PDE4D: variants seen among roughly 807,000 people sequenced by gnomAD.
PDE4D encodes the protein phosphodiesterase 4D, also known as 3',5'-cyclic-AMP phosphodiesterase 4D.
In PDE4D, 24 loss-of-function variants were observed where a neutral mutation model predicts 87.4. That is an observed-to-expected ratio of 0.27 (90% CI 0.20 to 0.39). PDE4D has a LOEUF of 0.39. Among genes scored for constraint, PDE4D ranks in the 10% least tolerant of loss-of-function variants. PDE4D has a pLI of 1.00. For missense variants in PDE4D, 714 were observed against 1,041.0 expected, an observed-to-expected ratio of 0.69 and a Z score of 4.32; for synonymous variants, 384 against 383.2, an observed-to-expected ratio of 1.00 and a Z score of -0.02.
chr5:60,416,077 T>C (rs1742512641), intron 1 of PDE4D, among the ~76,000 whole-genome samples: 2 of 152,198 alleles, frequency 1.3e-5, no homozygotes, highest in African/African-American at 4.8e-5. Context: ...ACTCTGTGTC[T>C]AGCTCAGGGT....
At chr5:60,390,373 T>C (rs1364408894) in intron 1 of PDE4D, among the ~76,000 whole-genome samples, 3 of 152,194 alleles carry the variant, frequency 2.0e-5, no homozygotes, top group East Asian at 1.9e-4. Flanking sequence ...TGACCTCTGG[T>C]TGAGTTTAGC....
chr5:59,921,006 A>C (rs1754608076), intron 3 of PDE4D, among the ~76,000 whole-genome samples: 1 of 152,176 alleles, frequency 6.6e-6, no homozygotes, highest in South Asian at 2.1e-4. Context: ...CTAGAACTTA[A>C]AGTATATTAA....
intron 1 of PDE4D, among the ~76,000 whole-genome samples, chr5:59,784,636 T>C (rs1417519822): frequency 6.6e-6 from 1 of 152,164 alleles, no homozygotes; most frequent in Non-Finnish European, 1.5e-5. Flanking sequence ...AAATGTACAA[T>C]CAGTCATTAA....
At chr5:59,528,746 G>C (rs1166680802) in intron 1 of PDE4D, 1 of 186,636 alleles carries the variant, frequency 5.4e-6, no homozygotes, top group African/African-American at 2.4e-5. Context: ...AGATGTGATG[G>C]TATAATGGTA....
chr5:60,149,436 C>T (rs1781297503), intron 2 of PDE4D, among the ~76,000 whole-genome samples: 1 of 152,136 alleles, frequency 6.6e-6, no homozygotes, highest in Admixed American at 6.6e-5. Flanking sequence ...ACCTAATTAC[C>T]TCTTAAAAGT....
chr5:60,265,972 C>T (rs1304072977), intron 1 of PDE4D, among the ~76,000 whole-genome samples: 1 of 152,060 alleles, frequency 6.6e-6, no homozygotes, highest in Admixed American at 6.6e-5. Context: ...CTGCAAAGAG[C>T]GTTGGTCCCT....
At chr5:58,996,166 G>A (rs1000361476) in intron 6 of PDE4D, among the ~76,000 whole-genome samples, 1 of 152,086 alleles carries the variant, frequency 6.6e-6, no homozygotes, top group African/African-American at 2.4e-5. Flanking sequence ...GACAGCATTA[G>A]GCAAAATACC....
At chr5:59,542,537 A>G (rs551948708) in intron 1 of PDE4D, among the ~76,000 whole-genome samples, 1 of 152,296 alleles carries the variant, frequency 6.6e-6, no homozygotes, top group African/African-American at 2.4e-5. Flanking sequence ...AAGTTCCACA[A>G]TTGTTAACAT....
Position 59,761,277 on chromosome 5 carries a change from G to T in PDE4D, c.455+131891C>A, listed in dbSNP as rs1202862629. 1.7e-4 allele frequency among the ~76,000 whole-genome samples: 25 copies of T among 150,952 alleles called. 1 individual carries two copies. Among genetic ancestry groups the T allele is most frequent in the Admixed American group, 1.6e-3 (25 of 15,248 alleles). On this transcript the variant is annotated intron_variant, in intron 1 of 14. Coordinates refer to ENST00000340635, the MANE Select transcript of PDE4D (RefSeq NM_001104631.2). ...GCTCTGGGTGACTCAGTGAGTGAGTGGTGAGTCAATGTGAAGGCCTGGGAC... is the reference window on the plus strand; with the variant it reads ...GCTCTGGGTGACTCAGTGAGTGAGTTGTGAGTCAATGTGAAGGCCTGGGAC...
At chr5:58,984,915 T>C (rs1746057429) in intron 11 of PDE4D, among the ~76,000 whole-genome samples, 1 of 152,134 alleles carries the variant, frequency 6.6e-6, no homozygotes, top group Non-Finnish European at 1.5e-5. Flanking sequence ...GATTTATTTA[T>C]TTATTTATTT....
At chr5:60,474,108 A>ATATATATATGTGTGTG (rs796843843) in intron 1 of PDE4D, among the ~76,000 whole-genome samples, 3 of 52,266 alleles carry the variant, frequency 5.7e-5, no homozygotes, top group South Asian at 1.3e-3. Context: ...GAGCTGCCAT[A>ATATATATATGTGTGTG]TATATATATA....
intron 1 of PDE4D, among the ~76,000 whole-genome samples, chr5:60,235,592 A>G (rs1470108606): frequency 6.6e-6 from 1 of 151,810 alleles, no homozygotes. Context: ...CTATGTGAGC[A>G]TGCAAATGTC....
intron 2 of PDE4D, among the ~76,000 whole-genome samples, chr5:60,084,431 C>T (rs943579127): frequency 1.8e-4 from 28 of 151,710 alleles, no homozygotes; most frequent in Middle Eastern, 3.4e-3. Flanking sequence ...CGCATGCGCA[C>T]GCATGTGTGT....
intron 3 of PDE4D, among the ~76,000 whole-genome samples, chr5:59,966,078 T>A (rs2152813990): frequency 6.6e-6 from 1 of 152,314 alleles, no homozygotes; most frequent in South Asian, 2.1e-4. Flanking sequence ...AGTGAGGATC[T>A]CATCTGTTAC....
chr5:59,449,607 G>A (rs984524909), intron 1 of PDE4D, among the ~76,000 whole-genome samples: 2 of 152,128 alleles, frequency 1.3e-5, no homozygotes, highest in Admixed American at 6.5e-5. Context: ...ATAGGACAGA[G>A]AAATGTATCA....
chr5:59,556,168 T>C (rs928342149), intron 1 of PDE4D, among the ~76,000 whole-genome samples: 2 of 152,216 alleles, frequency 1.3e-5, no homozygotes, highest in African/African-American at 4.8e-5. Context: ...TACTAAGTTC[T>C]CTTGAGAGGC....
chr5:60,118,481 G>A (rs1241686788), intron 2 of PDE4D, among the ~76,000 whole-genome samples: 1 of 151,784 alleles, frequency 6.6e-6, no homozygotes, highest in African/African-American at 2.4e-5. Context: ...TGGTCCTCCA[G>A]GCACTATATA....
intron 1 of PDE4D, among the ~76,000 whole-genome samples, chr5:59,468,635 C>T (rs550248686): frequency 1.3e-5 from 2 of 152,224 alleles, no homozygotes; most frequent in Admixed American, 6.5e-5. Flanking sequence ...AGGGGTATGC[C>T]TTGGTTATTT....
At chr5:59,327,272 G>A (rs17780860) in intron 1 of PDE4D, among the ~76,000 whole-genome samples, 18,714 of 151,832 alleles carry the variant, frequency 0.12, 1,413 homozygotes, top group South Asian at 0.21. Flanking sequence ...ATGGTCTCTG[G>A]ATCTGGTAGC....
Sources: gnomAD v4.1 joint callset for allele counts (sites outside exome capture counted in the v4.1 genomes callset) on GRCh38, gnomAD v4.1.1 for gene constraint, MANE v1.5 for transcripts, NCBI Gene and HGNC (gene_info 2026-07-23, HGNC 2026-07-21) for gene names.